The following VASN variants were observed in gnomAD, a reference collection of about 807,000 sequenced individuals.
The protein encoded by VASN is vasorin, also known as protein slit-like 2.
Under a neutral mutation model 4.8 loss-of-function variants are expected in VASN, and 5 were observed. The ratio of observed to expected loss-of-function variants is 1.03; its 90% CI spans 0.54 to 2.17. The LOEUF (loss-of-function observed/expected upper bound fraction) is 2.17. Among genes scored for constraint, VASN ranks in the 30% most tolerant of loss-of-function variants. The probability of loss-of-function intolerance (pLI) is 0.01; values close to 1 mark genes in which losing one functional copy is unlikely to be tolerated. For missense variants in VASN, 927 were observed against 948.8 expected (o/e 0.98, Z 0.30); for synonymous variants, 499 against 460.8 (o/e 1.08, Z -1.06).
chr16:4,372,528 T>C (rs1398004099), intron 1 of VASN, among the ~76,000 whole-genome samples: 2 of 151,636 alleles, frequency 1.3e-5, no homozygotes, highest in Non-Finnish European at 2.9e-5. Context: ...TCCCTCCAGG[T>C]GGGGGATGGA....
chr16:4,372,821 T>C (rs1448775221), intron 1 of VASN, among the ~76,000 whole-genome samples: 2 of 151,762 alleles, frequency 1.3e-5, no homozygotes, highest in Non-Finnish European at 2.9e-5. Context: ...GGCCCAGGGG[T>C]GGAGTGTGCA....
Position 4,382,905 on chromosome 16 carries a change from A to G in VASN, c.*6A>G, listed in dbSNP as rs1218223137. The G allele has an allele frequency of 4.0e-6, 6 of 1,500,114 alleles. No individual in the cohort carries two copies. Among genetic ancestry groups the G allele is most frequent in the African/African-American group, 1.4e-5 (1 of 70,838 alleles). The allele number at this position is 1,500,114 out of a possible 1,614,324, so 92.9% of individuals were successfully genotyped here. A position where few individuals can be genotyped will look rare whatever the true frequency, so the allele number is the denominator to read the frequency against. On this transcript the variant is annotated 3_prime_UTR_variant, in exon 2 of 2. Coordinates refer to ENST00000304735, the MANE Select transcript of VASN (RefSeq NM_138440.3). ...ACGCAAAGCCCTACATCTAAGCCAG[A>G]GAGAGACAGGGCAGCTGGGGCCGGG...
Position 4,382,424 on chromosome 16 carries a change from C to T in VASN, c.1547C>T (p.Ser516Leu), listed in dbSNP as rs748290506. ...CTGGTGACGCTGCGACTGCCTGCCT[C>T]GCTCGCTGAGTACACGGTCACCCAG... is the stretch of plus-strand genomic sequence containing the variant. ...KRLVTLRLPA[S>L]LAEYTVTQLR... Residue 516 changes from serine to leucine, a missense_variant, in exon 2 of 2, where the codon TCG (serine) becomes TTG (leucine). Coordinates refer to ENST00000304735, the MANE Select transcript of VASN (RefSeq NM_138440.3). 14 of 1,611,306 alleles carry T rather than the reference C, an allele frequency of 8.7e-6. No homozygotes were observed. The highest frequency in any genetic ancestry group is 3.3e-5 in the South Asian group (3 of 90,812).
In VASN at chr16:4,382,333, G is replaced by A. The variant is rs2055013455; in HGVS notation, c.1456G>A (p.Gly486Arg). ...CGTGGGGCTGCAGCGCTACCTCCAGGGGAGCTCCGTGCAGCTCAGGAGCCT... is the reference window on the plus strand; with the variant it reads ...CGTGGGGCTGCAGCGCTACCTCCAGAGGAGCTCCGTGCAGCTCAGGAGCCT... The part of the protein sequence containing the change: ...LRVGLQRYLQ[G>R]SSVQLRSLRL... Residue 486 changes from glycine to arginine, a missense_variant, in exon 2 of 2, where the codon GGG becomes AGG. Gly to Arg is a moderately radical substitution (Grantham distance 125, BLOSUM62 -2). Transcript: ENST00000304735. The A allele has an allele frequency of 6.2e-7, 1 of 1,611,358 alleles. No homozygotes were observed. Among genetic ancestry groups the A allele is most frequent in the Non-Finnish European group, 8.5e-7 (1 of 1,179,328 alleles).
chr16:4,374,159 C>T (rs555431682), intron 1 of VASN, among the ~76,000 whole-genome samples: 3 of 128,692 alleles, frequency 2.3e-5, no homozygotes, highest in Non-Finnish European at 3.2e-5. Flanking sequence ...TGTCTGTGTG[C>T]GCGTGACTGG....
At chr16:4,377,546 G>C (rs1166808132) in intron 1 of VASN, among the ~76,000 whole-genome samples, 1 of 152,218 alleles carries the variant, frequency 6.6e-6, no homozygotes, top group Admixed American at 6.5e-5. Flanking sequence ...AGGGCTGCTT[G>C]CACCAACTCC....
intron 1 of VASN, 80 bp from the exon 2 acceptor site, chr16:4,380,789 C>A: frequency 7.3e-7 from 1 of 1,374,654 alleles, no homozygotes; most frequent in Non-Finnish European, 9.6e-7. Context: ...GCAGTGAATT[C>A]CCTCTGGCTC....
At chr16:4,378,988 T>C (rs2054855564) in intron 1 of VASN, among the ~76,000 whole-genome samples, 1 of 152,026 alleles carries the variant, frequency 6.6e-6, no homozygotes, top group Non-Finnish European at 1.5e-5. Flanking sequence ...GCTTCTTCCT[T>C]CACCTCGAGC....
chr16:4,377,765 C>T (rs969195524), intron 1 of VASN, among the ~76,000 whole-genome samples: 1 of 152,218 alleles, frequency 6.6e-6, no homozygotes, highest in African/African-American at 2.4e-5. Context: ...AGCGCTGCCT[C>T]CTCCCTCCTC....
intron 1 of VASN, among the ~76,000 whole-genome samples, chr16:4,378,288 G>T (rs745354189): frequency 6.6e-6 from 1 of 151,956 alleles, no homozygotes; most frequent in Non-Finnish European, 1.5e-5. Context: ...TGGAGTGAGC[G>T]CTCTTAACTG....
At position 4,381,124 on chromosome 16, in the gene VASN, C is replaced by A. The variant is rs1260019770; in HGVS notation, c.247C>A (p.Leu83Met). The A allele has an allele frequency of 1.9e-6, 3 of 1,610,104 alleles. No individual in the cohort carries two copies. Among genetic ancestry groups the A allele is most frequent in the Non-Finnish European group, 2.5e-6 (3 of 1,178,912 alleles). ...CCTGCCGGGCCTGCAGCTCCTGGACCTGTCACAGAACCAGATCGCCAGCCT... is the reference window on the plus strand; with the variant it reads ...CCTGCCGGGCCTGCAGCTCCTGGACATGTCACAGAACCAGATCGCCAGCCT... ...AGLPGLQLLD[L>M]SQNQIASLPS... is the part of the protein sequence containing the mutation. The change falls in exon 2 of 2, where the codon CTG (leucine) becomes ATG (methionine). Residue 83 changes from leucine to methionine, a missense_variant. By Grantham distance (15) the Leu-to-Met change is conservative. Coordinates refer to ENST00000304735, the MANE Select transcript of VASN (RefSeq NM_138440.3).
rs547935838 is a variant in VASN, at chr16:4,375,879, G to A, written c.-10+3886G>A. Among the ~76,000 whole-genome samples, 28 of 152,304 alleles carry A rather than the reference G, an allele frequency of 1.8e-4. 1 individual carries two copies. Among genetic ancestry groups the A allele is most frequent in the African/African-American group, 5.3e-4 (22 of 41,574 alleles). On this transcript the variant is annotated intron_variant, in intron 1 of 1. Coordinates refer to ENST00000304735, the MANE Select transcript of VASN (RefSeq NM_138440.3). ...GGATGATTCTGATGTGCAGCCCGGC[G>A]GGCAAAGCCCTGGCGTCACAGGTGG...
At chr16:4,373,644 C>A (rs1252033529) in intron 1 of VASN, among the ~76,000 whole-genome samples, 2 of 152,146 alleles carry the variant, frequency 1.3e-5, no homozygotes, top group Admixed American at 1.3e-4. Flanking sequence ...CTCCTAGCTC[C>A]CATTACTGTC....
At chr16:4,373,214 CAG>C (rs1455584797) in intron 1 of VASN, among the ~76,000 whole-genome samples, 8 of 152,080 alleles carry the variant, frequency 5.3e-5, no homozygotes, top group Non-Finnish European at 1.0e-4. Flanking sequence ...CTTCTGTAAA[CAG>C]AGTGTCAGAG....
At chr16:4,372,175 G>A (rs1049629592) in intron 1 of VASN, among the ~76,000 whole-genome samples, 182 bp downstream of exon 1, 3 of 152,006 alleles carry the variant, frequency 2.0e-5, no homozygotes, top group Non-Finnish European at 2.9e-5. Context: ...CTCCCCCGCC[G>A]TCCTGGGGCG....
intron 1 of VASN, among the ~76,000 whole-genome samples, chr16:4,375,768 G>A (rs752732492): frequency 5.3e-5 from 8 of 152,332 alleles, no homozygotes; most frequent in Non-Finnish European, 1.0e-4. Flanking sequence ...GATTACAGGC[G>A]TGAGCCACCA....
In VASN at chr16:4,382,501, C is replaced by A; in HGVS notation, c.1624C>A (p.Arg542=). The part of the protein sequence containing the change: ...SVCVMPLGPG[R]VPEGEEACGE... ...CTGTGTCATGCCTTTGGGGCCCGGGCGGGTGCCGGAGGGCGAGGAGGCCTG... is the reference window on the plus strand; with the variant it reads ...CTGTGTCATGCCTTTGGGGCCCGGGAGGGTGCCGGAGGGCGAGGAGGCCTG... Residue 542 remains arginine, a synonymous_variant, in exon 2 of 2, where the codon CGG becomes AGG. Coordinates refer to ENST00000304735, the MANE Select transcript of VASN (RefSeq NM_138440.3). 1 of 1,593,638 alleles carries A rather than the reference C, an allele frequency of 6.3e-7. No homozygotes were observed. The highest frequency in any genetic ancestry group is 8.5e-7 in the Non-Finnish European group (1 of 1,169,844).
chr16:4,381,019 C>A lies in VASN; in HGVS notation c.142C>A (p.Arg48=), dbSNP rs753171464. 2.1e-5 allele frequency: 34 copies of A among 1,609,552 alleles called. No homozygotes were observed. Among genetic ancestry groups the A allele is most frequent in the Non-Finnish European group, 2.8e-5 (33 of 1,178,860 alleles). ...TGCCCGCCAGGGGACCACGGTGCCC[C>A]GAGACGTGCCACCCGACACGGTGGG... is the stretch of plus-strand genomic sequence containing the variant. ...CTARQGTTVP[R]DVPPDTVGLY... Residue 48 remains arginine, a synonymous_variant, in exon 2 of 2, where the codon CGA becomes AGA. Coordinates refer to ENST00000304735, the MANE Select transcript of VASN (RefSeq NM_138440.3).
At position 4,381,418 on chromosome 16, in the gene VASN, C is replaced by T. The variant is rs1418434570; in HGVS notation, c.541C>T (p.Leu181Phe). The change falls in exon 2 of 2, where the codon CTC becomes TTC. Residue 181 changes from leucine to phenylalanine, a missense_variant. Transcript: ENST00000304735. Reference protein sequence around the residue: ...LLLLDLSHNSLLALEPGILDT... With the variant: ...LLLLDLSHNSFLALEPGILDT... ...GCTGCTGGACCTCAGCCACAACAGC[C>T]TCCTGGCCCTGGAGCCCGGCATCCT... 1 of 1,583,696 alleles carries T rather than the reference C, an allele frequency of 6.3e-7. No individual in the cohort carries two copies. The highest frequency in any genetic ancestry group is 8.6e-7 in the Non-Finnish European group (1 of 1,167,024).
Sources: allele counts gnomAD v4.1 joint callset (sites outside exome capture counted in the v4.1 genomes callset), GRCh38; gene constraint gnomAD v4.1.1; transcripts MANE v1.5; gene names NCBI Gene and HGNC (gene_info 2026-07-23, HGNC 2026-07-21).